Variants in TMEFF2 observed in about 807,000 individuals in gnomAD.
TMEFF2 encodes transmembrane protein with EGF like and two follistatin like domains 2.
In TMEFF2, 28 loss-of-function variants were observed where a neutral mutation model predicts 53.8. That is an observed-to-expected ratio of 0.52 (90% CI 0.39 to 0.71). The LOEUF is 0.71. Ranked by LOEUF, TMEFF2 falls within the 30% of genes least tolerant of loss-of-function variation. The pLI is 0.00. For synonymous variants in TMEFF2, 162 were observed against 166.3 expected (o/e 0.97, Z 0.20); for missense variants, 353 against 455.2 (o/e 0.78, Z 2.04).
chr2:192,135,324 C>T (rs1689973469), intron 4 of TMEFF2, among the ~76,000 whole-genome samples: 1 of 152,160 alleles, frequency 6.6e-6, no homozygotes. Context: ...TCTCCTTAGG[C>T]ACTCTCTAAT....
chr2:192,152,616 C>T, intron 4 of TMEFF2, among the ~76,000 whole-genome samples: 1 of 151,826 alleles, frequency 6.6e-6, no homozygotes, highest in East Asian at 1.9e-4. Context: ...TACCCGCACA[C>T]AGCAGATAGT....
intron 7 of TMEFF2, among the ~76,000 whole-genome samples, chr2:191,990,949 C>T (rs1686090781): frequency 6.6e-6 from 1 of 151,836 alleles, no homozygotes; most frequent in East Asian, 1.9e-4. Flanking sequence ...TTGAAGGTTA[C>T]ATTGAGGAAA....
At chr2:192,070,750 T>C (rs1463881438) in intron 4 of TMEFF2, among the ~76,000 whole-genome samples, 1 of 151,936 alleles carries the variant, frequency 6.6e-6, no homozygotes, top group East Asian at 1.9e-4. Flanking sequence ...TTCTAGGTAA[T>C]AACAAGGTGT....
intron 4 of TMEFF2, among the ~76,000 whole-genome samples, chr2:192,149,657 G>A (rs1289460054): frequency 6.6e-6 from 1 of 151,890 alleles, no homozygotes; most frequent in African/African-American, 2.4e-5. Flanking sequence ...ATGCACATGA[G>A]CTCTAAATTA....
chr2:192,056,683 TC>T (rs1405456396), intron 5 of TMEFF2, among the ~76,000 whole-genome samples: 1 of 152,082 alleles, frequency 6.6e-6, no homozygotes, highest in Non-Finnish European at 1.5e-5. Flanking sequence ...AATGTTGCTG[TC>T]CCCCTCCCCA....
chr2:192,151,359 T>C (rs994017251), intron 4 of TMEFF2, among the ~76,000 whole-genome samples: 3 of 151,914 alleles, frequency 2.0e-5, no homozygotes, highest in Non-Finnish European at 4.4e-5. Context: ...CTAGTAACTT[T>C]TGAGAACCAT....
At position 192,184,430 on chromosome 2, in the gene TMEFF2, A is replaced by G. The variant is rs773265804; in HGVS notation, c.336T>C (p.Asn112=). 7 of 1,613,426 alleles carry G rather than the reference A, an allele frequency of 4.3e-6. No individual in the cohort carries two copies. The South Asian group carries it at 4.4e-5, about 10-fold the overall frequency. ...ATGCAGCCTGTCGCAGGTAACACTC[A>G]TTCTGGTAGCTCTCCCCATTGGAGC... ...VCGSNGESYQ[N]ECYLRQAACK... Residue 112 remains asparagine, a synonymous_variant, in exon 3 of 10, where the codon AAT becomes AAC. Coordinates refer to ENST00000272771, the MANE Select transcript of TMEFF2 (RefSeq NM_016192.4).
intron 4 of TMEFF2, among the ~76,000 whole-genome samples, chr2:192,121,255 G>A (rs1410580314): frequency 6.6e-6 from 1 of 152,150 alleles, no homozygotes; most frequent in African/African-American, 2.4e-5. Context: ...ATTGTAATTT[G>A]TCAGATGCCA....
At chr2:192,175,930 T>C (rs1691030812) in intron 4 of TMEFF2, among the ~76,000 whole-genome samples, 1 of 151,468 alleles carries the variant, frequency 6.6e-6, no homozygotes, top group Non-Finnish European at 1.5e-5. Flanking sequence ...TTCATAGCAT[T>C]GTCTTTATAA....
chr2:192,011,119 A>T (rs1174949620), intron 5 of TMEFF2, among the ~76,000 whole-genome samples: 2 of 152,178 alleles, frequency 1.3e-5, no homozygotes, highest in Non-Finnish European at 2.9e-5. Context: ...AGATTAAGTG[A>T]CTATAGCTAC....
At chr2:192,013,086 T>C (rs1054212763) in intron 5 of TMEFF2, among the ~76,000 whole-genome samples, 3 of 152,170 alleles carry the variant, frequency 2.0e-5, no homozygotes, top group Non-Finnish European at 2.9e-5. Context: ...CTTTAAAATG[T>C]AAATGAGAAT....
intron 4 of TMEFF2, among the ~76,000 whole-genome samples, chr2:192,064,599 C>G (rs78708653): frequency 0.011 from 1,686 of 151,928 alleles, 27 homozygotes; most frequent in African/African-American, 0.039. Context: ...TCATTTCCCC[C>G]CATTATCTTT....
chr2:192,070,618 T>C (rs1190539212), intron 4 of TMEFF2, among the ~76,000 whole-genome samples: 1 of 151,940 alleles, frequency 6.6e-6, no homozygotes, highest in Non-Finnish European at 1.5e-5. Flanking sequence ...GCTGCAATTA[T>C]ACTTGTCACA....
chr2:192,185,732 A>C (rs1443943993), intron 2 of TMEFF2, among the ~76,000 whole-genome samples: 1 of 152,058 alleles, frequency 6.6e-6, no homozygotes, highest in Non-Finnish European at 1.5e-5. Flanking sequence ...TTTCCTAACA[A>C]TACCTAAACC....
intron 1 of TMEFF2, 65 bp from the exon 2 acceptor site, chr2:192,192,054 C>T: frequency 8.6e-7 from 1 of 1,163,558 alleles, no homozygotes; most frequent in Non-Finnish European, 1.3e-6. Flanking sequence ...AAAAAAAGCA[C>T]TACTTTGAAG....
intron 4 of TMEFF2, among the ~76,000 whole-genome samples, chr2:192,174,247 T>G (rs1365584427): frequency 1.3e-5 from 2 of 151,738 alleles, no homozygotes; most frequent in Admixed American, 1.3e-4. Flanking sequence ...TTCACATTCT[T>G]AAGCAATGTG....
intron 4 of TMEFF2, among the ~76,000 whole-genome samples, chr2:192,100,047 T>G (rs1021568122): frequency 1.3e-5 from 2 of 152,194 alleles, no homozygotes; most frequent in African/African-American, 4.8e-5. Flanking sequence ...AAGTTAGTAA[T>G]TGCTTTAAAA....
At chr2:192,093,775 T>C (rs1274943610) in intron 4 of TMEFF2, among the ~76,000 whole-genome samples, 1 of 151,652 alleles carries the variant, frequency 6.6e-6, no homozygotes, top group African/African-American at 2.4e-5. Context: ...GCCTTTGTGA[T>C]TACGTTTAAA....
intron 4 of TMEFF2, among the ~76,000 whole-genome samples, chr2:192,108,849 T>C (rs978219869): frequency 6.6e-6 from 1 of 152,072 alleles, no homozygotes; most frequent in East Asian, 1.9e-4. Flanking sequence ...TAGATACTGA[T>C]GGAATATTAT....
Sources: allele counts gnomAD v4.1 joint callset (sites outside exome capture counted in the v4.1 genomes callset), GRCh38; gene constraint gnomAD v4.1.1; transcripts MANE v1.5; gene names NCBI Gene and HGNC (gene_info 2026-07-23, HGNC 2026-07-21).